YWHAQ: variants seen among roughly 807,000 people sequenced by gnomAD.
YWHAQ encodes the protein 14-3-3 protein theta.
In YWHAQ, 6 loss-of-function variants were observed where a neutral mutation model predicts 28.3. That is an observed-to-expected ratio of 0.21 (90% CI 0.12 to 0.42). The LOEUF (loss-of-function observed/expected upper bound fraction) is 0.42, where lower values mean the gene tolerates loss of function less well. YWHAQ is among the 10% of genes least tolerant of loss of function. YWHAQ has a pLI of 1.00. For missense variants in YWHAQ, 201 were observed against 305.6 expected (o/e 0.66, Z 2.55); for synonymous variants, 143 against 119.1 (o/e 1.20, Z -1.31).
At position 9,591,498 on chromosome 2, in the gene YWHAQ, A is replaced by G. The variant is rs1312490581; in HGVS notation, c.312T>C (p.Tyr104=). The change falls in exon 3 of 6, where the codon TAT becomes TAC. Residue 104 remains tyrosine, a synonymous_variant. Transcript: ENST00000238081. ...CTTVLELLDK[Y]LIANATNPES... is the part of the protein sequence containing the mutation. The stretch of plus-strand genomic sequence containing the variant: ...CTGGATTAGTTGCATTGGCTATTAA[A>G]TATTTATCCAACAATTCCTGAAATA... 1 of 1,609,246 alleles carries G rather than the reference A, an allele frequency of 6.2e-7. No individual in the cohort carries two copies. The highest frequency in any genetic ancestry group is 1.1e-5 in the South Asian group (1 of 90,852).
At chr2:9,615,603 C>T (rs796225533) in intron 2 of YWHAQ, among the ~76,000 whole-genome samples, 10 of 152,140 alleles carry the variant, frequency 6.6e-5, no homozygotes, top group African/African-American at 2.4e-4. Flanking sequence ...AGTGAAGAAG[C>T]AGTAATTATT....
chr2:9,610,446 TTACA>T (rs762160128), intron 2 of YWHAQ, among the ~76,000 whole-genome samples: 8 of 152,194 alleles, frequency 5.3e-5, no homozygotes, highest in Non-Finnish European at 1.2e-4. Context: ...AATCTTTCTC[TTACA>T]TACCATACCA....
At chr2:9,623,351 C>G (rs1469418527) in intron 2 of YWHAQ, among the ~76,000 whole-genome samples, 1 of 152,208 alleles carries the variant, frequency 6.6e-6, no homozygotes, top group Non-Finnish European at 1.5e-5. Flanking sequence ...GAAAAAACCG[C>G]ACATCTTTTG....
At chr2:9,598,827 C>G (rs1666629627) in intron 2 of YWHAQ, among the ~76,000 whole-genome samples, 1 of 152,120 alleles carries the variant, frequency 6.6e-6, no homozygotes. Flanking sequence ...CAATTAATAA[C>G]CCTACAATGG....
At chr2:9,604,773 G>A (rs1436984457) in intron 2 of YWHAQ, among the ~76,000 whole-genome samples, 1 of 150,352 alleles carries the variant, frequency 6.7e-6, no homozygotes, top group East Asian at 1.9e-4. Context: ...CAGATACAGA[G>A]CGATGGTTAT....
At chr2:9,609,080 C>T (rs1666893609) in intron 2 of YWHAQ, among the ~76,000 whole-genome samples, 3 of 152,266 alleles carry the variant, frequency 2.0e-5, no homozygotes, top group Admixed American at 1.3e-4. Flanking sequence ...CATAAATATG[C>T]TGAAAATAAT....
intron 2 of YWHAQ, among the ~76,000 whole-genome samples, chr2:9,615,888 C>T (rs1165833774): frequency 6.6e-6 from 1 of 152,088 alleles, no homozygotes; most frequent in Non-Finnish European, 1.5e-5. Flanking sequence ...ATTAACATGC[C>T]TCAATTTCCT....
At chr2:9,622,421 G>C (rs1667158295) in intron 2 of YWHAQ, among the ~76,000 whole-genome samples, 2 of 152,154 alleles carry the variant, frequency 1.3e-5, no homozygotes, top group African/African-American at 4.8e-5. Context: ...TCATTTTAAT[G>C]CTGAATAGTA....
chr2:9,597,637 AAAAAAAAAAAAAAAAAG>A (rs1666599585), intron 2 of YWHAQ, among the ~76,000 whole-genome samples: 1 of 148,204 alleles, frequency 6.7e-6, no homozygotes, highest in Non-Finnish European at 1.5e-5. Context: ...TCCGTCTCAA[AAAAAAAAAAAAAAAAAG>A]AAAAAGAAAA....
intron 2 of YWHAQ, among the ~76,000 whole-genome samples, chr2:9,628,005 T>C (rs1451523397): frequency 6.6e-6 from 1 of 152,262 alleles, no homozygotes; most frequent in African/African-American, 2.4e-5. Flanking sequence ...TTGTGGTATT[T>C]ATGTTTGTGT....
At chr2:9,605,727 AT>A (rs540959701) in intron 2 of YWHAQ, among the ~76,000 whole-genome samples, 22,597 of 142,652 alleles carry the variant, frequency 0.16, 1,896 homozygotes, top group Middle Eastern at 0.22. Flanking sequence ...TGACCGGCTA[AT>A]TTTTTTTTTT....
chr2:9,629,847 G>A (rs1667325218), intron 2 of YWHAQ, among the ~76,000 whole-genome samples: 1 of 152,164 alleles, frequency 6.6e-6, no homozygotes, highest in African/African-American at 2.4e-5. Context: ...ATCTCAGGAC[G>A]CAGTCTCCCC....
intron 2 of YWHAQ, among the ~76,000 whole-genome samples, chr2:9,593,154 A>G (rs183623608): frequency 1.8e-4 from 28 of 152,332 alleles, no homozygotes; most frequent in African/African-American, 6.7e-4. Context: ...TAAATTTAAA[A>G]ATATACAATT....
chr2:9,594,663 CA>C (rs1558542418), intron 2 of YWHAQ, among the ~76,000 whole-genome samples: 2 of 152,062 alleles, frequency 1.3e-5, no homozygotes, highest in Non-Finnish European at 2.9e-5. Context: ...ACAGGATCTC[CA>C]AAAAGATGCC....
chr2:9,601,095 C>T lies in YWHAQ; in HGVS notation c.295-9580G>A, dbSNP rs146805824. ...ACAACCAAATCTGCAATTATTAATG[C>T]TATTTATTTTCATTCTTAGAAATAT... On this transcript the variant is annotated intron_variant, in intron 2 of 5. Coordinates refer to ENST00000238081, the MANE Select transcript of YWHAQ (RefSeq NM_006826.4). Among the ~76,000 whole-genome samples the T allele has an allele frequency of 4.6e-5, 7 of 152,244 alleles. No individual in the cohort carries two copies. The East Asian group carries it at 1.2e-3, about 25-fold the overall frequency.
chr2:9,584,151 T>C lies in YWHAQ; in HGVS notation c.*1135A>G, dbSNP rs1342518143. ...TGTGTCACAATGCACAATGTGGAAA[T>C]ATAGGTATCACTACTACATTTTACA... On this transcript the variant is annotated 3_prime_UTR_variant, in exon 6 of 6. Transcript: ENST00000238081. 6.5e-6 allele frequency: 1 copy of C among 152,684 alleles called. No individual in the cohort carries two copies. Among genetic ancestry groups the C allele is most frequent in the African/African-American group, 2.4e-5 (1 of 41,470 alleles). The allele number at this position is 152,684 out of a possible 1,614,324, so 9.5% of individuals were successfully genotyped here.
chr2:9,591,244 G>C, intron 3 of YWHAQ, 148 bp downstream of exon 3: 1 of 979,978 alleles, frequency 1.0e-6, no homozygotes, highest in South Asian at 2.8e-5. Flanking sequence ...TCATTTTTGA[G>C]AACATAAGGT....
chr2:9,584,032 T>A lies in YWHAQ; in HGVS notation c.*1254A>T, dbSNP rs1036197806. 2 of 152,326 alleles carry A rather than the reference T, an allele frequency of 1.3e-5. No individual in the cohort carries two copies. Among genetic ancestry groups the A allele is most frequent in the African/African-American group, 4.8e-5 (2 of 41,566 alleles). 9.4% of individuals were successfully genotyped at this position (152,326 alleles called of 1,614,324 possible). On this transcript the variant is annotated 3_prime_UTR_variant, in exon 6 of 6. Coordinates refer to ENST00000238081, the MANE Select transcript of YWHAQ (RefSeq NM_006826.4). ...AACACTTAACCAGATATCATTTACATCTGAGGAAGAGATGGCCCATGAGAC... is the reference window on the plus strand; with the variant it reads ...AACACTTAACCAGATATCATTTACAACTGAGGAAGAGATGGCCCATGAGAC...
chr2:9,621,721 T>C lies in YWHAQ; in HGVS notation c.294+8438A>G, dbSNP rs541170282. Among the ~76,000 whole-genome samples, 4 of 152,304 alleles carry C rather than the reference T, an allele frequency of 2.6e-5. No homozygotes were observed. In the East Asian group the frequency reaches 7.7e-4, roughly 29 times the overall value. ...AAGAATACAATTATCCATTCTACTA[T>C]AAAGACACATGCACACATACGTTTA... On this transcript the variant is annotated intron_variant, in intron 2 of 5. Coordinates refer to ENST00000238081, the MANE Select transcript of YWHAQ (RefSeq NM_006826.4).
Sources: gnomAD v4.1 joint callset for allele counts (sites outside exome capture counted in the v4.1 genomes callset) on GRCh38, gnomAD v4.1.1 for gene constraint, MANE v1.5 for transcripts, NCBI Gene and HGNC (gene_info 2026-07-23, HGNC 2026-07-21) for gene names.